CDH13: variants seen among roughly 807,000 people sequenced by gnomAD.
CDH13 encodes the protein cadherin-13.
In CDH13, 24 loss-of-function variants were observed where a neutral mutation model predicts 63.8. The ratio of observed to expected loss-of-function variants is 0.38; its 90% CI spans 0.27 to 0.53. The LOEUF (loss-of-function observed/expected upper bound fraction) is 0.53. Ranked by LOEUF, CDH13 falls within the 20% of genes least tolerant of loss-of-function variation. CDH13 has a pLI of 0.85. For synonymous variants in CDH13, 503 were observed against 355.3 expected, an observed-to-expected ratio of 1.42 and a Z score of -4.67; for missense variants, 1,049 against 903.1, an observed-to-expected ratio of 1.16 and a Z score of -2.07.
intron 6 of CDH13, among the ~76,000 whole-genome samples, chr16:83,455,743 T>C (rs559279165): frequency 6.6e-6 from 1 of 152,320 alleles, no homozygotes; most frequent in East Asian, 1.9e-4. Context: ...TGTTCCTGCT[T>C]TCCATTCGTT....
intron 10 of CDH13, among the ~76,000 whole-genome samples, chr16:83,706,235 A>G (rs1276120092): frequency 6.6e-6 from 1 of 152,192 alleles, no homozygotes; most frequent in African/African-American, 2.4e-5. Flanking sequence ...CATGGCGGCC[A>G]GGTTCCAAAG....
intron 4 of CDH13, among the ~76,000 whole-genome samples, chr16:83,162,789 C>T (rs1375777966): frequency 6.6e-6 from 1 of 152,096 alleles, no homozygotes; most frequent in Non-Finnish European, 1.5e-5. Context: ...GCAAACTCCC[C>T]AGGTGATTTC....
chr16:83,032,329 A>G (rs1198094825), intron 3 of CDH13, 111 bp downstream of exon 3: 4 of 807,030 alleles, frequency 5.0e-6, no homozygotes, highest in Non-Finnish European at 7.7e-6. Context: ...TCCTTTTGTT[A>G]TTGTTGTTGC....
chr16:82,836,209 C>A (rs1043567849), intron 1 of CDH13, among the ~76,000 whole-genome samples: 1 of 152,114 alleles, frequency 6.6e-6, no homozygotes, highest in Non-Finnish European at 1.5e-5. Context: ...AGTGCAGTGG[C>A]GCGATCTCGG....
At chr16:82,680,554 C>A (rs138801542) in intron 1 of CDH13, among the ~76,000 whole-genome samples, 2 of 152,104 alleles carry the variant, frequency 1.3e-5, no homozygotes, top group East Asian at 1.9e-4. Context: ...TATATATACT[C>A]CAAAATATGC....
At chr16:82,909,857 A>G (rs1374183205) in intron 2 of CDH13, among the ~76,000 whole-genome samples, 1 of 152,082 alleles carries the variant, frequency 6.6e-6, no homozygotes. Context: ...GAAAACAGGC[A>G]TTTCTTCCCA....
intron 7 of CDH13, among the ~76,000 whole-genome samples, chr16:83,532,473 C>G (rs886169206): frequency 6.6e-6 from 1 of 152,230 alleles, no homozygotes; most frequent in African/African-American, 2.4e-5. Context: ...GAATATTTGT[C>G]TTCCCAGAGA....
intron 5 of CDH13, among the ~76,000 whole-genome samples, chr16:83,334,361 T>TCTCTCTCTCTCACACACACACACA (rs1272779883): frequency 1.2e-5 from 1 of 85,594 alleles, no homozygotes; most frequent in African/African-American, 5.0e-5. Flanking sequence ...TCTCTCTCTC[T>TCTCTCTCTCTCACACACACACACA]CACACACACA....
intron 2 of CDH13, among the ~76,000 whole-genome samples, chr16:82,894,305 C>G (rs2041175884): frequency 6.6e-6 from 1 of 152,174 alleles, no homozygotes; most frequent in Non-Finnish European, 1.5e-5. Context: ...AAACAGAGTT[C>G]AGGCCCCAAG....
intron 2 of CDH13, among the ~76,000 whole-genome samples, chr16:82,869,746 A>G (rs2040279995): frequency 6.6e-6 from 1 of 152,210 alleles, no homozygotes; most frequent in Admixed American, 6.5e-5. Context: ...AGTCTTTTCA[A>G]TAAATGCTGC....
chr16:83,520,602 T>C (rs536902663), intron 7 of CDH13, among the ~76,000 whole-genome samples: 17 of 152,288 alleles, frequency 1.1e-4, no homozygotes, highest in African/African-American at 4.1e-4. Context: ...TAGAGCCAGG[T>C]TCTTGTTTGC....
intron 2 of CDH13, among the ~76,000 whole-genome samples, chr16:83,027,511 T>C (rs1245862982): frequency 4.0e-5 from 6 of 151,766 alleles, no homozygotes; most frequent in Non-Finnish European, 7.4e-5. Context: ...CAAGAGTGGG[T>C]GAGGTGTGAG....
intron 6 of CDH13, among the ~76,000 whole-genome samples, chr16:83,430,351 G>C (rs970712690): frequency 1.3e-5 from 2 of 152,184 alleles, no homozygotes; most frequent in African/African-American, 4.8e-5. Context: ...CAGCATTGAA[G>C]AGGACTCCAA....
intron 1 of CDH13, among the ~76,000 whole-genome samples, chr16:82,660,557 C>G (rs953708013): frequency 5.3e-5 from 8 of 152,136 alleles, no homozygotes; most frequent in Admixed American, 1.3e-4. Context: ...AGAAACAGCC[C>G]GAGGCCAGAG....
chr16:82,864,768 C>G (rs1271405178), intron 2 of CDH13, among the ~76,000 whole-genome samples: 2 of 152,124 alleles, frequency 1.3e-5, no homozygotes, highest in Admixed American at 1.3e-4. Context: ...GAAAACTAAT[C>G]ACACATTCTC....
intron 8 of CDH13, among the ~76,000 whole-genome samples, chr16:83,605,660 C>T (rs74463323): frequency 0.12 from 18,576 of 152,106 alleles, 1,412 homozygotes; most frequent in Middle Eastern, 0.25. Flanking sequence ...GATGACACCG[C>T]TGATGAGGAT....
intron 10 of CDH13, among the ~76,000 whole-genome samples, chr16:83,736,974 A>C (rs553332604): frequency 1.8e-4 from 28 of 152,314 alleles, no homozygotes; most frequent in African/African-American, 6.7e-4. Flanking sequence ...AGGAAATGTC[A>C]GTTCCATTGT....
At chr16:83,314,480 G>C (rs747438051) in intron 5 of CDH13, among the ~76,000 whole-genome samples, 46 of 152,196 alleles carry the variant, frequency 3.0e-4, no homozygotes, top group Admixed American at 1.3e-3. Flanking sequence ...GATTTGAGGA[G>C]CCCAGCTCAT....
intron 8 of CDH13, among the ~76,000 whole-genome samples, chr16:83,615,760 C>G (rs965667712): frequency 6.6e-6 from 1 of 152,202 alleles, no homozygotes; most frequent in African/African-American, 2.4e-5. Context: ...ATTTCCTGTT[C>G]TTTCTTGTCC....
Sources: gnomAD v4.1 joint callset for allele counts (sites outside exome capture counted in the v4.1 genomes callset) on GRCh38, gnomAD v4.1.1 for gene constraint, MANE v1.5 for transcripts, NCBI Gene and HGNC (gene_info 2026-07-23, HGNC 2026-07-21) for gene names.